PANX1: variants seen among roughly 807,000 people sequenced by gnomAD.
The protein encoded by PANX1 is pannexin 1, also known as pannexin-1.
A neutral mutation model predicts 38.7 loss-of-function variants in PANX1; 30 were observed. That is an observed-to-expected ratio of 0.78 (90% CI 0.58 to 1.05). PANX1 has a LOEUF of 1.05. Among genes scored for constraint, PANX1 ranks in the 50% least tolerant of loss-of-function variants. PANX1 has a pLI of 0.00. For missense variants in PANX1, 551 were observed against 517.2 expected (o/e 1.07, Z -0.63); for synonymous variants, 230 against 212.2 (o/e 1.08, Z -0.73).
intron 1 of PANX1, among the ~76,000 whole-genome samples, chr11:94,139,011 C>G (rs754964785): frequency 5.9e-5 from 9 of 152,280 alleles, no homozygotes; most frequent in Non-Finnish European, 1.3e-4. Context: ...AGTCAAGACT[C>G]TAGCTGATAA....
At chr11:94,178,681 G>A in intron 3 of PANX1, 89 bp downstream of exon 3, 1 of 997,400 alleles carries the variant, frequency 1.0e-6, no homozygotes, top group Non-Finnish European at 1.5e-6. Flanking sequence ...AGTTCTCATT[G>A]CTAGGAGGCG....
intron 2 of PANX1, among the ~76,000 whole-genome samples, chr11:94,162,573 A>C (rs894938702): frequency 6.6e-6 from 1 of 152,200 alleles, no homozygotes; most frequent in Admixed American, 6.5e-5. Context: ...GGATAAGCGC[A>C]GTATTAGGGT....
chr11:94,163,663 G>A (rs1458032438), intron 2 of PANX1, among the ~76,000 whole-genome samples: 1 of 152,180 alleles, frequency 6.6e-6, no homozygotes, highest in African/African-American at 2.4e-5. Flanking sequence ...GTGTTCATCG[G>A]AGGTATTGGC....
In PANX1 at chr11:94,129,258, T is replaced by A; in HGVS notation, c.-55T>A. 2 of 1,512,890 alleles carry A rather than the reference T, an allele frequency of 1.3e-6. No individual in the cohort carries two copies. The highest frequency in any genetic ancestry group is 1.8e-6 in the Non-Finnish European group (2 of 1,111,148). The allele number at this position is 1,512,890 out of a possible 1,614,324, so 93.7% of individuals were successfully genotyped here. On this transcript the variant is annotated 5_prime_UTR_variant, in exon 1 of 5. Coordinates refer to ENST00000227638, the MANE Select transcript of PANX1 (RefSeq NM_015368.4). ...TGACTGGGTGAAGGCGCCGCGCAGCTTTCCCGACGCCGGCTGTACCCGGAC... is the reference window on the plus strand; with the variant it reads ...TGACTGGGTGAAGGCGCCGCGCAGCATTCCCGACGCCGGCTGTACCCGGAC...
intron 1 of PANX1, among the ~76,000 whole-genome samples, chr11:94,133,467 G>A (rs990599643): frequency 2.6e-5 from 4 of 152,066 alleles, no homozygotes; most frequent in African/African-American, 9.7e-5. Flanking sequence ...CTGTGATAGT[G>A]AGAATTACAA....
chr11:94,133,802 C>T (rs1946657009), intron 1 of PANX1, among the ~76,000 whole-genome samples: 1 of 152,166 alleles, frequency 6.6e-6, no homozygotes, highest in Non-Finnish European at 1.5e-5. Flanking sequence ...TTCCTCTTGT[C>T]TTCTACCATG....
intron 1 of PANX1, among the ~76,000 whole-genome samples, chr11:94,140,252 C>A (rs190059727): frequency 6.6e-6 from 1 of 152,370 alleles, no homozygotes; most frequent in Admixed American, 6.5e-5. Flanking sequence ...CCTCACCTTA[C>A]TGCTGGTGTG....
rs1947303513 is a variant in PANX1, at chr11:94,181,236, A to G, written c.*367A>G. On this transcript the variant is annotated 3_prime_UTR_variant, in exon 5 of 5. Transcript: ENST00000227638. ...CAAGACCCAGAGCTACTGGAAAACAAGCACTTTGGAAGATTTGTTTTGTTT... is the reference window on the plus strand; with the variant it reads ...CAAGACCCAGAGCTACTGGAAAACAGGCACTTTGGAAGATTTGTTTTGTTT... 1 of 188,886 alleles carries G rather than the reference A, an allele frequency of 5.3e-6. No individual in the cohort carries two copies. The highest frequency in any genetic ancestry group is 2.3e-5 in the African/African-American group (1 of 42,964). 11.7% of individuals were successfully genotyped at this position (188,886 alleles called of 1,614,324 possible). A position where few individuals can be genotyped will look rare whatever the true frequency, so the allele number is the denominator to read the frequency against.
intron 1 of PANX1, among the ~76,000 whole-genome samples, chr11:94,143,734 C>T (rs1042375086): frequency 1.3e-5 from 2 of 151,898 alleles, no homozygotes; most frequent in Admixed American, 1.3e-4. Flanking sequence ...AGCTAAAAGT[C>T]CCTCCTCCAT....
chr11:94,139,668 T>C (rs1197213853), intron 1 of PANX1, among the ~76,000 whole-genome samples: 2 of 152,222 alleles, frequency 1.3e-5, no homozygotes, highest in East Asian at 3.9e-4. Context: ...GCCTGAAGCC[T>C]GAGTTGATCA....
At chr11:94,153,408 G>C in intron 1 of PANX1, 83 bp from the exon 2 acceptor site, 1 of 1,485,130 alleles carries the variant, frequency 6.7e-7, no homozygotes, top group Non-Finnish European at 9.2e-7. Context: ...CCCTAACTTA[G>C]ACAAAACTAA....
intron 1 of PANX1, among the ~76,000 whole-genome samples, chr11:94,148,908 A>T (rs117544598): frequency 6.6e-6 from 1 of 152,104 alleles, no homozygotes; most frequent in Non-Finnish European, 1.5e-5. Context: ...TTCTTTAATA[A>T]TTTATGCCTT....
chr11:94,129,302 G>C lies in PANX1; in HGVS notation c.-11G>C. On this transcript the variant is annotated 5_prime_UTR_variant, in exon 1 of 5. Transcript: ENST00000227638. The stretch of plus-strand genomic sequence containing the variant: ...CCCGGACCTCCTGGTCGAGCCTGGC[G>C]CGCCGCAGCCATGGCCATCGCTCAA... The C allele has an allele frequency of 6.3e-7, 1 of 1,596,676 alleles. No individual in the cohort carries two copies. The highest frequency in any genetic ancestry group is 8.6e-7 in the Non-Finnish European group (1 of 1,166,762).
chr11:94,155,609 A>G (rs1946940959), intron 2 of PANX1, among the ~76,000 whole-genome samples: 1 of 152,182 alleles, frequency 6.6e-6, no homozygotes, highest in South Asian at 2.1e-4. Context: ...GGAACATCAT[A>G]AAGGTCTTCA....
At position 94,180,188 on chromosome 11, in the gene PANX1, G is replaced by C; in HGVS notation, c.1132G>C (p.Val378Leu). 1 of 1,613,888 alleles carries C rather than the reference G, an allele frequency of 6.2e-7. No individual in the cohort carries two copies. Among genetic ancestry groups the C allele is most frequent in the East Asian group, 2.2e-5 (1 of 44,862 alleles). ...TNLGMIKMDV[V>L]DGKTPMSAEM... ...CCTTGGCATGATCAAGATGGATGTTGTTGATGGCAAAACTCCCATGTCTGC... is the reference window on the plus strand; with the variant it reads ...CCTTGGCATGATCAAGATGGATGTTCTTGATGGCAAAACTCCCATGTCTGC... The change falls in exon 4 of 5, where the codon GTT becomes CTT. Residue 378 changes from valine (V) to leucine (L), a missense_variant. Coordinates refer to ENST00000227638, the MANE Select transcript of PANX1 (RefSeq NM_015368.4).
chr11:94,131,614 A>G (rs764046411), intron 1 of PANX1, among the ~76,000 whole-genome samples: 5 of 152,234 alleles, frequency 3.3e-5, no homozygotes, highest in Admixed American at 6.5e-5. Context: ...GCTGTCAAGC[A>G]GACTCCCATG....
intron 2 of PANX1, among the ~76,000 whole-genome samples, chr11:94,166,802 T>G (rs543639342): frequency 6.6e-6 from 1 of 152,264 alleles, no homozygotes; most frequent in South Asian, 2.1e-4. Flanking sequence ...TTGAAAGATC[T>G]CTCCCCAAGC....
chr11:94,134,491 G>T (rs900862085), intron 1 of PANX1, among the ~76,000 whole-genome samples: 1 of 152,154 alleles, frequency 6.6e-6, no homozygotes, highest in Non-Finnish European at 1.5e-5. Flanking sequence ...TCTCCCAACC[G>T]CAAAATTCAT....
At chr11:94,167,616 A>C (rs1032049104) in intron 2 of PANX1, among the ~76,000 whole-genome samples, 2 of 152,258 alleles carry the variant, frequency 1.3e-5, no homozygotes, top group Admixed American at 1.3e-4. Flanking sequence ...TTAACTAATC[A>C]TTAATCATAT....
Sources: allele counts gnomAD v4.1 joint callset (sites outside exome capture counted in the v4.1 genomes callset), GRCh38; gene constraint gnomAD v4.1.1; transcripts MANE v1.5; gene names NCBI Gene and HGNC (gene_info 2026-07-23, HGNC 2026-07-21).